Variants in RXFP1 observed in about 807,000 individuals in gnomAD.
The protein encoded by RXFP1 is relaxin family peptide receptor 1.
In RXFP1, 73 loss-of-function variants were observed where a neutral mutation model predicts 89.8. The ratio of observed to expected loss-of-function variants is 0.81; its 90% CI spans 0.67 to 0.99. The LOEUF is 0.99. Among genes scored for constraint, RXFP1 ranks in the 50% least tolerant of loss-of-function variants. RXFP1 has a pLI of 0.00. For missense variants in RXFP1, 793 were observed against 895.5 expected, an observed-to-expected ratio of 0.89 and a Z score of 1.46; for synonymous variants, 277 against 305.5, an observed-to-expected ratio of 0.91 and a Z score of 0.97.
intron 1 of RXFP1, among the ~76,000 whole-genome samples, chr4:158,532,785 G>C (rs964929182): frequency 1.3e-5 from 2 of 152,238 alleles, no homozygotes; most frequent in Non-Finnish European, 2.9e-5. Context: ...AACTCAGGCA[G>C]ATTCGGGGCT....
At chr4:158,649,459 G>T (rs74955021) in intron 17 of RXFP1, among the ~76,000 whole-genome samples, 1 of 152,124 alleles carries the variant, frequency 6.6e-6, no homozygotes, top group African/African-American at 2.4e-5. Flanking sequence ...CATTTAGAAA[G>T]AACGTTGGCT....
chr4:158,558,762 A>G (rs1281891577), intron 1 of RXFP1, among the ~76,000 whole-genome samples: 2 of 152,228 alleles, frequency 1.3e-5, no homozygotes, highest in Non-Finnish European at 2.9e-5. Flanking sequence ...CATGTATAGA[A>G]AAAATAGCTT....
intron 14 of RXFP1, 35 bp from the exon 15 acceptor site, chr4:158,644,874 G>A: frequency 7.0e-7 from 1 of 1,427,514 alleles, no homozygotes; most frequent in Non-Finnish European, 9.8e-7. Context: ...TGAATTAAAT[G>A]GAAAATCTTA....
At chr4:158,605,170 A>G (rs1243716131) in intron 5 of RXFP1, 31 bp downstream of exon 5, 2 of 1,353,214 alleles carry the variant, frequency 1.5e-6, no homozygotes, top group African/African-American at 1.4e-5. Context: ...TGGTATTACA[A>G]TTAACTAGCA....
intron 1 of RXFP1, among the ~76,000 whole-genome samples, chr4:158,527,977 C>A (rs1286704001): frequency 6.6e-6 from 1 of 152,016 alleles, no homozygotes; most frequent in African/African-American, 2.4e-5. Context: ...ATAGAAAGAA[C>A]CTAGACAGAA....
chr4:158,590,155 C>T, intron 2 of RXFP1, among the ~76,000 whole-genome samples: 1 of 152,050 alleles, frequency 6.6e-6, no homozygotes, highest in East Asian at 1.9e-4. Context: ...ATACATCAGT[C>T]CTAAGCTAAG....
intron 2 of RXFP1, among the ~76,000 whole-genome samples, chr4:158,584,818 A>C (rs890538247): frequency 6.6e-6 from 1 of 152,236 alleles, no homozygotes; most frequent in Non-Finnish European, 1.5e-5. Context: ...CAAATACCAC[A>C]GATGACTATC....
At chr4:158,576,354 A>G (rs1157891263) in intron 2 of RXFP1, among the ~76,000 whole-genome samples, 1 of 152,148 alleles carries the variant, frequency 6.6e-6, no homozygotes, top group East Asian at 1.9e-4. Flanking sequence ...TGAGTCCAGG[A>G]GTTGGAGATC....
intron 1 of RXFP1, among the ~76,000 whole-genome samples, chr4:158,525,389 TG>T (rs1742259171): frequency 1.3e-5 from 2 of 152,302 alleles, no homozygotes; most frequent in African/African-American, 4.8e-5. Context: ...CTGACAATTT[TG>T]TGTTGTTTTT....
intron 2 of RXFP1, among the ~76,000 whole-genome samples, chr4:158,580,402 A>G (rs1235822741): frequency 6.6e-6 from 1 of 152,200 alleles, no homozygotes; most frequent in Non-Finnish European, 1.5e-5. Flanking sequence ...ATATCATAAT[A>G]TACAGAAAAA....
intron 14 of RXFP1, among the ~76,000 whole-genome samples, chr4:158,639,678 T>C (rs1769979199): frequency 6.6e-6 from 1 of 152,088 alleles, no homozygotes; most frequent in African/African-American, 2.4e-5. Context: ...AAGACCAGCC[T>C]GGCCAACATG....
chr4:158,634,423 A>G (rs1768727388), intron 12 of RXFP1, among the ~76,000 whole-genome samples: 1 of 152,134 alleles, frequency 6.6e-6, no homozygotes, highest in African/African-American at 2.4e-5. Flanking sequence ...TCTGGATGTT[A>G]ACTTCTTTTC....
chr4:158,547,778 C>A (rs143742681), intron 1 of RXFP1, among the ~76,000 whole-genome samples: 284 of 152,164 alleles, frequency 1.9e-3, no homozygotes, highest in African/African-American at 6.4e-3. Context: ...GTTTCTTAGT[C>A]CTGAGTTCTA....
chr4:158,634,615 C>A (rs531694636), intron 12 of RXFP1, among the ~76,000 whole-genome samples: 7 of 152,198 alleles, frequency 4.6e-5, no homozygotes, highest in East Asian at 1.9e-4. Context: ...GGTGTCATGT[C>A]ATGAAGCTTT....
intron 6 of RXFP1, among the ~76,000 whole-genome samples, chr4:158,609,413 A>G (rs181584651): frequency 6.6e-6 from 1 of 152,232 alleles, no homozygotes; most frequent in South Asian, 2.1e-4. Context: ...TCTTTTAAAA[A>G]AAAAGGCTTT....
At chr4:158,534,008 T>C (rs1024550697) in intron 1 of RXFP1, among the ~76,000 whole-genome samples, 9 of 152,284 alleles carry the variant, frequency 5.9e-5, no homozygotes, top group African/African-American at 1.4e-4. Context: ...ATGCAATGTC[T>C]AAAACAATAG....
At chr4:158,589,280 T>C (rs542875413) in intron 2 of RXFP1, among the ~76,000 whole-genome samples, 1 of 152,160 alleles carries the variant, frequency 6.6e-6, no homozygotes, top group Non-Finnish European at 1.5e-5. Flanking sequence ...GAGATTTGAG[T>C]GGGAGGACAC....
chr4:158,561,631 T>G (rs10019251), intron 1 of RXFP1, among the ~76,000 whole-genome samples: 3,745 of 142,992 alleles, frequency 0.026, 135 homozygotes, highest in African/African-American at 0.094. Flanking sequence ...TTTTTCTTTT[T>G]TTTTTTTTTT....
At chr4:158,600,176 G>A (rs936378797) in intron 4 of RXFP1, among the ~76,000 whole-genome samples, 30 of 152,154 alleles carry the variant, frequency 2.0e-4, no homozygotes, top group African/African-American at 7.0e-4. Flanking sequence ...ATACCTTAGT[G>A]CCTTGTGGCT....
Sources: gnomAD v4.1 joint callset for allele counts (sites outside exome capture counted in the v4.1 genomes callset) on GRCh38, gnomAD v4.1.1 for gene constraint, MANE v1.5 for transcripts, NCBI Gene and HGNC (gene_info 2026-07-23, HGNC 2026-07-21) for gene names.